The following CLMP variants were observed in gnomAD, a reference collection of about 807,000 sequenced individuals.
CLMP encodes CXADR-like membrane protein.
Under a neutral mutation model 45.2 loss-of-function variants are expected in CLMP, and 27 were observed. That is an observed-to-expected ratio of 0.60 (90% CI 0.44 to 0.82). The LOEUF is 0.82. Ranked by LOEUF, CLMP falls within the 40% of genes least tolerant of loss-of-function variation. The pLI, the probability that CLMP is intolerant of heterozygous loss-of-function variation, is 0.00. For missense variants in CLMP, 403 were observed against 448.4 expected, an observed-to-expected ratio of 0.90 and a Z score of 0.91; for synonymous variants, 167 against 171.4, an observed-to-expected ratio of 0.97 and a Z score of 0.20.
intron 1 of CLMP, among the ~76,000 whole-genome samples, chr11:123,184,939 G>C (rs1483849863): frequency 6.6e-6 from 1 of 152,178 alleles, no homozygotes; most frequent in African/African-American, 2.4e-5. Context: ...ACCCCAAACT[G>C]TACCATAACA....
intron 1 of CLMP, among the ~76,000 whole-genome samples, chr11:123,147,393 A>G (rs1192295424): frequency 6.6e-6 from 1 of 152,158 alleles, no homozygotes; most frequent in East Asian, 1.9e-4. Flanking sequence ...TGGCCCCATA[A>G]GACTCAGAGG....
intron 1 of CLMP, among the ~76,000 whole-genome samples, chr11:123,107,232 AT>A (rs1023456275): frequency 7.2e-4 from 103 of 143,858 alleles, no homozygotes; most frequent in East Asian, 8.3e-4. Flanking sequence ...GGCTAATGAA[AT>A]TTTTTTTTTT....
In CLMP at chr11:123,144,590, G is replaced by A. The variant is rs982441978; in HGVS notation, c.29-46638C>T. Among the ~76,000 whole-genome samples, 4 of 152,160 alleles carry A rather than the reference G, an allele frequency of 2.6e-5. No homozygotes were observed. The East Asian group carries it at 5.8e-4, about 22-fold the overall frequency. ...TCTCCATGTTGGTCAGGCTGGTCTC[G>A]AACTCCCGACCTCAGGTGATCCTCC... On this transcript the variant is annotated intron_variant, in intron 1 of 6. Coordinates refer to ENST00000448775, the MANE Select transcript of CLMP (RefSeq NM_024769.5).
intron 1 of CLMP, among the ~76,000 whole-genome samples, chr11:123,160,549 T>G (rs1861472622): frequency 6.6e-6 from 1 of 152,198 alleles, no homozygotes; most frequent in Non-Finnish European, 1.5e-5. Flanking sequence ...CAGAATTATT[T>G]GGATTGGCTC....
intron 1 of CLMP, among the ~76,000 whole-genome samples, chr11:123,132,805 G>T (rs1861010655): frequency 6.6e-6 from 1 of 151,448 alleles, no homozygotes; most frequent in Non-Finnish European, 1.5e-5. Flanking sequence ...TTGAGACAGG[G>T]TCTCACTCTG....
chr11:123,125,876 G>A (rs776756119), intron 1 of CLMP, among the ~76,000 whole-genome samples: 19 of 152,104 alleles, frequency 1.2e-4, no homozygotes, highest in Admixed American at 3.3e-4. Context: ...AAAGTGCTTG[G>A]ATTACAGGCA....
At chr11:123,193,298 A>T (rs532436418) in intron 1 of CLMP, among the ~76,000 whole-genome samples, 1 of 152,390 alleles carries the variant, frequency 6.6e-6, no homozygotes, top group East Asian at 1.9e-4. Context: ...CTGGGCAGCC[A>T]ATAGGCTTGT....
chr11:123,087,345 A>AG (rs957123929), intron 2 of CLMP, among the ~76,000 whole-genome samples: 21 of 152,090 alleles, frequency 1.4e-4, no homozygotes, highest in African/African-American at 5.1e-4. Context: ...CTCAAAAAAA[A>AG]AAAGAAAGAA....
chr11:123,128,354 T>C (rs12281794), intron 1 of CLMP, among the ~76,000 whole-genome samples: 18,230 of 149,828 alleles, frequency 0.12, 1,280 homozygotes, highest in African/African-American at 0.18. Context: ...CCTGGCATGG[T>C]GGCCCAGGCC....
rs370750162 is a variant in CLMP at position 123,107,534 on chromosome 11, A to ATTTTTTTTTTTTTTTTTTTT, written c.29-9583_29-9582insAAAAAAAAAAAAAAAAAAAA. Among the ~76,000 whole-genome samples the ATTTTTTTTTTTTTTTTTTTT allele has an allele frequency of 4.9e-5, 6 of 123,410 alleles. 1 individual carries two copies. The highest frequency in any genetic ancestry group is 9.2e-5 in the African/African-American group (3 of 32,728). The allele number at this position is 123,410 out of a possible 152,430, so 81.0% of individuals were successfully genotyped here. On this transcript the variant is annotated intron_variant, in intron 1 of 6. Transcript: ENST00000448775. ...GTGCGAGCCACCGCACCTGACCTAA[A>ATTTTTTTTTTTTTTTTTTTT]TTTTTTTTTTTTTTTTTTTCAGAAA...
chr11:123,112,166 T>C (rs1231813813), intron 1 of CLMP, among the ~76,000 whole-genome samples: 1 of 152,148 alleles, frequency 6.6e-6, no homozygotes, highest in Non-Finnish European at 1.5e-5. Context: ...AAAATAACTC[T>C]GAAGGCTCTT....
chr11:123,173,355 G>A (rs1279082519), intron 1 of CLMP, among the ~76,000 whole-genome samples: 1 of 152,218 alleles, frequency 6.6e-6, no homozygotes, highest in East Asian at 1.9e-4. Flanking sequence ...TCTCAAGCCA[G>A]TCAGACCACA....
At chr11:123,183,850 T>G (rs1444402999) in intron 1 of CLMP, among the ~76,000 whole-genome samples, 1 of 151,980 alleles carries the variant, frequency 6.6e-6, no homozygotes, top group Non-Finnish European at 1.5e-5. Context: ...CGGTGGGGTG[T>G]GGCTGCCACT....
intron 1 of CLMP, among the ~76,000 whole-genome samples, chr11:123,191,212 A>G (rs1861902931): frequency 6.6e-6 from 1 of 152,186 alleles, no homozygotes; most frequent in Non-Finnish European, 1.5e-5. Context: ...CTTTGACTCT[A>G]CCTTTAAAAA....
intron 1 of CLMP, among the ~76,000 whole-genome samples, chr11:123,102,521 C>T (rs934034401): frequency 1.3e-5 from 2 of 151,178 alleles, no homozygotes; most frequent in African/African-American, 2.4e-5. Context: ...CCTCGTGATC[C>T]GCCCACCTCG....
intron 1 of CLMP, among the ~76,000 whole-genome samples, chr11:123,152,522 C>CT: frequency 8.0e-6 from 1 of 124,450 alleles, no homozygotes; most frequent in African/African-American, 3.5e-5. Context: ...GACTCCATCT[C>CT]AAAATAAATA....
intron 4 of CLMP, 101 bp downstream of exon 4, chr11:123,083,579 G>A: frequency 8.5e-7 from 1 of 1,171,156 alleles, no homozygotes; most frequent in Non-Finnish European, 1.3e-6. Context: ...GTTCAGCAGG[G>A]TATTTCAGGT....
chr11:123,085,273 C>T (rs1865850608), intron 2 of CLMP, among the ~76,000 whole-genome samples: 1 of 150,196 alleles, frequency 6.7e-6, no homozygotes, highest in African/African-American at 2.5e-5. Flanking sequence ...ATTTTTGAGA[C>T]AGTCTCGCTC....
chr11:123,118,977 CTTTCTTTCTTTCTTTCTTTCTT>C (rs1180262771), intron 1 of CLMP, among the ~76,000 whole-genome samples: 645 of 49,434 alleles, frequency 0.013, 23 homozygotes, highest in South Asian at 0.1. Flanking sequence ...TTCTTTCTTT[CTTTCTTTCTTTCTTTCTTTCTT>C]TCTCTCTCTC....
Sources: gnomAD v4.1 joint callset for allele counts (sites outside exome capture counted in the v4.1 genomes callset) on GRCh38, gnomAD v4.1.1 for gene constraint, MANE v1.5 for transcripts, NCBI Gene and HGNC (gene_info 2026-07-23, HGNC 2026-07-21) for gene names.